GPD1L: variants seen among roughly 807,000 people sequenced by gnomAD.
The protein encoded by GPD1L is glycerol-3-phosphate dehydrogenase 1-like protein.
Under a neutral mutation model 32.9 loss-of-function variants are expected in GPD1L, and 17 were observed. The ratio of observed to expected loss-of-function variants is 0.52; its 90% CI spans 0.35 to 0.78. The LOEUF (loss-of-function observed/expected upper bound fraction) is 0.78. Among genes scored for constraint, GPD1L ranks in the 30% least tolerant of loss-of-function variants. GPD1L has a pLI of 0.01. For synonymous variants in GPD1L, 187 were observed against 165.9 expected, an observed-to-expected ratio of 1.13 and a Z score of -0.98; for missense variants, 361 against 447.8, an observed-to-expected ratio of 0.81 and a Z score of 1.75.
intron 2 of GPD1L, among the ~76,000 whole-genome samples, chr3:32,129,900 C>T (rs1453363458): frequency 1.3e-5 from 2 of 152,116 alleles, no homozygotes. Flanking sequence ...ATTGGTTGCC[C>T]CTTCCCTTTG....
At chr3:32,140,464 T>C in intron 4 of GPD1L, 98 bp downstream of exon 4, 1 of 1,376,694 alleles carries the variant, frequency 7.3e-7, no homozygotes, top group Non-Finnish European at 1.0e-6. Flanking sequence ...GACTCTTCCC[T>C]GTCCCTCTTA....
intron 2 of GPD1L, among the ~76,000 whole-genome samples, chr3:32,130,192 C>T (rs969529868): frequency 2.0e-5 from 3 of 152,070 alleles, no homozygotes; most frequent in African/African-American, 2.4e-5. Context: ...GCCTGCCCCC[C>T]ACTTGACTGA....
In GPD1L at chr3:32,133,153, C is replaced by T. The variant is rs1012957812; in HGVS notation, c.225+4900C>T. The stretch of plus-strand genomic sequence containing the variant: ...CGGTTAGCTGACTGGCATTAGAGCC[C>T]GGCCACGATGCTCCGTGCAGCCACG... On this transcript the variant is annotated intron_variant, in intron 2 of 7. Coordinates refer to ENST00000282541, the MANE Select transcript of GPD1L (RefSeq NM_015141.4). Among the ~76,000 whole-genome samples, 4 of 152,152 alleles carry T rather than the reference C, an allele frequency of 2.6e-5. No individual in the cohort carries two copies. In the East Asian group the frequency reaches 5.8e-4, roughly 22 times the overall value.
At chr3:32,132,332 A>C (rs1461041695) in intron 2 of GPD1L, among the ~76,000 whole-genome samples, 1 of 152,204 alleles carries the variant, frequency 6.6e-6, no homozygotes, top group Non-Finnish European at 1.5e-5. Flanking sequence ...AATAAATGCC[A>C]AGGATAGTGG....
At chr3:32,116,119 T>C (rs1344465002) in intron 1 of GPD1L, among the ~76,000 whole-genome samples, 1 of 152,044 alleles carries the variant, frequency 6.6e-6, no homozygotes, top group East Asian at 1.9e-4. Flanking sequence ...GTTTCTTGAG[T>C]GGATCCACCC....
intron 6 of GPD1L, 29 bp downstream of exon 6, chr3:32,159,138 C>T (rs139857375): frequency 2.0e-6 from 3 of 1,532,924 alleles, no homozygotes; most frequent in East Asian, 2.3e-5. Flanking sequence ...TCCCGCACCC[C>T]CTCCTTCCTC....
intron 3 of GPD1L, 145 bp downstream of exon 3, chr3:32,138,872 T>TA (rs888033588): frequency 5.2e-5 from 43 of 820,446 alleles, no homozygotes; most frequent in East Asian, 8.0e-5. Flanking sequence ...TCAAAAGTCA[T>TA]AAAAAAAATA....
intron 1 of GPD1L, among the ~76,000 whole-genome samples, chr3:32,126,893 C>T (rs1700515785): frequency 6.6e-6 from 1 of 151,768 alleles, no homozygotes; most frequent in African/African-American, 2.4e-5. Context: ...TTTAAATCTC[C>T]CGGGTAACTC....
rs1700755895 is a variant in GPD1L at position 32,142,265 on chromosome 3, T to G, written c.505+1899T>G. On this transcript the variant is annotated intron_variant, in intron 4 of 7. Coordinates refer to ENST00000282541, the MANE Select transcript of GPD1L (RefSeq NM_015141.4). ...TCCCAAGTAGCTGGAATTACAGGCA[T>G]GCGCCACCACGCCCAGCTAATTTTT... Among the ~76,000 whole-genome samples the G allele has an allele frequency of 3.3e-5, 5 of 152,156 alleles. No homozygotes were observed. In the South Asian group the frequency reaches 1.0e-3, roughly 32 times the overall value.
At chr3:32,159,821 G>A (rs1032943019) in intron 7 of GPD1L, 147 bp downstream of exon 7, 15 of 692,266 alleles carry the variant, frequency 2.2e-5, no homozygotes, top group Admixed American at 8.4e-5. Context: ...TGATGTGAAC[G>A]TCTGTGATGA....
In GPD1L at chr3:32,165,866, C is replaced by A; in HGVS notation, c.1012C>A (p.Gln338Lys). The A allele has an allele frequency of 6.2e-7, 1 of 1,608,966 alleles. No homozygotes were observed. Among genetic ancestry groups the A allele is most frequent in the Non-Finnish European group, 8.5e-7 (1 of 1,175,282 alleles). ...YQICYESRPV[Q>K]EMLSCLQSHP... is the part of the protein sequence containing the mutation. ...GATCTGCTACGAAAGCAGACCAGTT[C>A]AAGAGATGTTGTCTTGTCTTCAGAG... Residue 338 changes from glutamine (Q) to lysine (K), a missense_variant, in exon 8 of 8, where the codon CAA (glutamine) becomes AAA (lysine). Transcript: ENST00000282541.
intron 7 of GPD1L, among the ~76,000 whole-genome samples, chr3:32,164,085 T>C (rs1358777774): frequency 2.0e-5 from 3 of 152,202 alleles, no homozygotes; most frequent in African/African-American, 7.2e-5. Context: ...TCAGCAGATA[T>C]ATTATGTCTT....
chr3:32,110,573 C>T (rs1700231663), intron 1 of GPD1L, among the ~76,000 whole-genome samples: 1 of 152,244 alleles, frequency 6.6e-6, no homozygotes, highest in Non-Finnish European at 1.5e-5. Context: ...ATCTAGCTGG[C>T]TTGCCAGGGA....
intron 4 of GPD1L, among the ~76,000 whole-genome samples, chr3:32,144,975 A>T (rs1424533203): frequency 6.7e-6 from 1 of 149,490 alleles, no homozygotes; most frequent in African/African-American, 2.4e-5. Context: ...AAGTGCTGGG[A>T]TTACAGGCAT....
At chr3:32,116,658 A>G (rs1345004968) in intron 1 of GPD1L, among the ~76,000 whole-genome samples, 2 of 152,076 alleles carry the variant, frequency 1.3e-5, no homozygotes, top group African/African-American at 2.4e-5. Context: ...ACTACTACCA[A>G]TTTTACTACT....
rs1700547362 is a variant in GPD1L at position 32,128,719 on chromosome 3, TCACATTCTGAGGTA to T, written c.225+469_225+482del. On this transcript the variant is annotated intron_variant, in intron 2 of 7. Transcript: ENST00000282541. ...TTTAAGACACTGTTTCCAGATACAGTCACATTCTGAGGTACAGCCCATAACAGGTTTCCTCCTTG... is the reference window on the plus strand; with the variant it reads ...TTTAAGACACTGTTTCCAGATACAGTCAGCCCATAACAGGTTTCCTCCTTG... Among the ~76,000 whole-genome samples the T allele has an allele frequency of 2.0e-5, 3 of 152,192 alleles. No homozygotes were observed. The South Asian group carries it at 6.2e-4, about 32-fold the overall frequency.
Position 32,146,618 on chromosome 3 carries a change from A to G in GPD1L, c.506-4A>G. On this transcript the variant is annotated splice_polypyrimidine_tract_variant and splice_region_variant and intron_variant, in intron 4 of 7. Transcript: ENST00000282541. The stretch of plus-strand genomic sequence containing the variant: ...AATATCCTTGTTGTCTAACCTTTCA[A>G]CAGGCAGCAAAGTAATGGAGAACGG... 2 of 1,571,630 alleles carry G rather than the reference A, an allele frequency of 1.3e-6. No homozygotes were observed. The highest frequency in any genetic ancestry group is 1.8e-6 in the Non-Finnish European group (2 of 1,141,298).
intron 2 of GPD1L, among the ~76,000 whole-genome samples, chr3:32,136,921 T>G (rs1257420014): frequency 6.6e-6 from 1 of 152,184 alleles, no homozygotes; most frequent in Non-Finnish European, 1.5e-5. Context: ...TGGAAACCAC[T>G]TCTCCCTCTC....
chr3:32,136,781 G>C (rs72850654), intron 2 of GPD1L, among the ~76,000 whole-genome samples: 109 of 151,452 alleles, frequency 7.2e-4, no homozygotes, highest in African/African-American at 2.6e-3. Context: ...TTTTTCCCCT[G>C]TACCATCTCC....
Sources: gnomAD v4.1 joint callset for allele counts (sites outside exome capture counted in the v4.1 genomes callset) on GRCh38, gnomAD v4.1.1 for gene constraint, MANE v1.5 for transcripts, NCBI Gene and HGNC (gene_info 2026-07-23, HGNC 2026-07-21) for gene names.